Variants in SPMIP2 observed in about 807,000 individuals in gnomAD.
SPMIP2 encodes sperm microtubule inner protein 2, also known as protein SPMIP2.
chr4:159,074,738 A>C, the SPMIP2 span, among the ~76,000 whole-genome samples: 1 of 152,160 alleles, frequency 6.6e-6, no homozygotes. Flanking sequence ...AGGATATTGA[A>C]TCTGGGAGGC....
chr4:159,015,787 C>T, the SPMIP2 span, among the ~76,000 whole-genome samples: 1 of 152,124 alleles, frequency 6.6e-6, no homozygotes, highest in Non-Finnish European at 1.5e-5. Flanking sequence ...GAATTTTGTG[C>T]AATTAGAATG....
At chr4:158,924,505 A>G in the SPMIP2 span, among the ~76,000 whole-genome samples, 4 of 152,078 alleles carry the variant, frequency 2.6e-5, no homozygotes, top group African/African-American at 9.6e-5. Flanking sequence ...TCAGCCTCCC[A>G]AGTAGCTGGG....
the SPMIP2 span, among the ~76,000 whole-genome samples, chr4:158,985,568 T>C: frequency 6.7e-4 from 102 of 152,282 alleles, no homozygotes; most frequent in African/African-American, 2.2e-3. Context: ...AAAAGGCCTT[T>C]GAAAAAATTC....
the SPMIP2 span, among the ~76,000 whole-genome samples, chr4:158,902,130 A>G: frequency 7.5e-4 from 114 of 151,946 alleles, 1 homozygote; most frequent in African/African-American, 2.7e-3. Context: ...GGATTTATCT[A>G]CCTTTGGTCT....
the SPMIP2 span, chr4:159,026,201 T>G: frequency 2.2e-6 from 1 of 458,154 alleles, no homozygotes; most frequent in East Asian, 4.9e-5. Context: ...GAACTAGGAG[T>G]GGGAATAGCT....
the SPMIP2 span, chr4:159,026,343 A>C: frequency 4.5e-6 from 3 of 663,822 alleles, no homozygotes; most frequent in Non-Finnish European, 8.5e-6. Context: ...AGTTTGAAGA[A>C]ACTACAGCTC....
the SPMIP2 span, among the ~76,000 whole-genome samples, chr4:159,035,552 T>C: frequency 2.0e-5 from 3 of 152,126 alleles, no homozygotes; most frequent in Admixed American, 1.3e-4. Context: ...ACTGGCAAGA[T>C]AAAATACAGT....
At chr4:158,928,165 C>T in the SPMIP2 span, among the ~76,000 whole-genome samples, 2 of 152,218 alleles carry the variant, frequency 1.3e-5, no homozygotes, top group African/African-American at 4.8e-5. Flanking sequence ...AGCTGGGCTC[C>T]TGAGTCTGGT....
At chr4:159,027,896 T>A in the SPMIP2 span, among the ~76,000 whole-genome samples, 1 of 152,232 alleles carries the variant, frequency 6.6e-6, no homozygotes, top group East Asian at 1.9e-4. Context: ...TAGAGAGTAT[T>A]TCCAATTCTA....
the SPMIP2 span, among the ~76,000 whole-genome samples, chr4:159,073,154 CTTTTTG>C: frequency 2.6e-5 from 4 of 151,934 alleles, no homozygotes; most frequent in African/African-American, 9.7e-5. Context: ...TTTTCTTTTT[CTTTTTG>C]TTTTTGTTTT....
At chr4:158,937,662 T>G in the SPMIP2 span, 1 of 154,330 alleles carries the variant, frequency 6.5e-6, no homozygotes. Context: ...TCTTTAGACA[T>G]TGTCTTGGGC....
chr4:158,901,128 A>ATTTTTTT, the SPMIP2 span, among the ~76,000 whole-genome samples: 3 of 112,300 alleles, frequency 2.7e-5, no homozygotes, highest in African/African-American at 7.4e-5. Flanking sequence ...CTGGGTTGAA[A>ATTTTTTT]TTTTTTTTTT....
chr4:158,986,963 T>C, the SPMIP2 span, among the ~76,000 whole-genome samples: 39,867 of 139,406 alleles, frequency 0.29, 6,143 homozygotes, highest in South Asian at 0.42. Flanking sequence ...CATCAAAAAG[T>C]GGGCGAAGGA....
At chr4:158,966,841 T>C in the SPMIP2 span, among the ~76,000 whole-genome samples, 1 of 152,220 alleles carries the variant, frequency 6.6e-6, no homozygotes, top group African/African-American at 2.4e-5. Context: ...TAACAAATGA[T>C]GTGACAATTA....
the SPMIP2 span, among the ~76,000 whole-genome samples, chr4:159,068,058 G>C: frequency 3.3e-5 from 5 of 152,300 alleles, no homozygotes; most frequent in African/African-American, 1.2e-4. Flanking sequence ...TTCCACTGTT[G>C]GTGGGACTGT....
chr4:158,943,658 C>T, the SPMIP2 span, among the ~76,000 whole-genome samples: 1 of 152,024 alleles, frequency 6.6e-6, no homozygotes, highest in African/African-American at 2.4e-5. Flanking sequence ...TAACCCCATA[C>T]CCCACACTTA....
the SPMIP2 span, among the ~76,000 whole-genome samples, chr4:158,914,655 C>T: frequency 6.6e-6 from 1 of 152,196 alleles, no homozygotes. Context: ...CTTCCACATT[C>T]TTTAATTCTC....
the SPMIP2 span, among the ~76,000 whole-genome samples, chr4:158,943,282 C>T: frequency 1.3e-5 from 2 of 152,142 alleles, no homozygotes; most frequent in African/African-American, 2.4e-5. Flanking sequence ...TATAATTTTA[C>T]TTTTTCCAAA....
At chr4:158,932,904 A>C in the SPMIP2 span, among the ~76,000 whole-genome samples, 4 of 152,206 alleles carry the variant, frequency 2.6e-5, no homozygotes, top group Non-Finnish European at 5.9e-5. Context: ...ATGGCACAAA[A>C]ATCATTGTTA....
Sources: gnomAD v4.1 joint callset for allele counts (sites outside exome capture counted in the v4.1 genomes callset) on GRCh38, gnomAD v4.1.1 for gene constraint, MANE v1.5 for transcripts, NCBI Gene and HGNC (gene_info 2026-07-23, HGNC 2026-07-21) for gene names.